The following MAGI2 variants were observed in gnomAD, a reference collection of about 807,000 sequenced individuals.
MAGI2 encodes membrane associated guanylate kinase, WW and PDZ domain containing 2.
A neutral mutation model predicts 133.3 loss-of-function variants in MAGI2; 35 were observed. The observed-to-expected ratio is 0.26, with a 90% CI of 0.20 to 0.35. The LOEUF is 0.35. Among genes scored for constraint, MAGI2 ranks in the 10% least tolerant of loss-of-function variants. The pLI, the probability that MAGI2 is intolerant of heterozygous loss-of-function variation, is 1.00. For synonymous variants in MAGI2, 729 were observed against 710.6 expected (o/e 1.03, Z -0.41); for missense variants, 1,636 against 1,863.4 (o/e 0.88, Z 2.25).
At chr7:79,259,554 G>A (rs1030213213) in intron 1 of MAGI2, among the ~76,000 whole-genome samples, 1 of 152,094 alleles carries the variant, frequency 6.6e-6, no homozygotes, top group African/African-American at 2.4e-5. Flanking sequence ...CCCACTTCAT[G>A]TTTTATGTAC....
chr7:78,439,782 T>A (rs1787414561), intron 6 of MAGI2, among the ~76,000 whole-genome samples: 1 of 152,150 alleles, frequency 6.6e-6, no homozygotes. Context: ...GTGAGCAGGA[T>A]AAATGTATCA....
chr7:79,161,536 A>T (rs1363386276), intron 1 of MAGI2, among the ~76,000 whole-genome samples: 2 of 152,062 alleles, frequency 1.3e-5, no homozygotes, highest in South Asian at 2.1e-4. Context: ...ACAAAAAAAA[A>T]TATTATGTAA....
At chr7:79,085,646 G>T (rs1441404835) in intron 1 of MAGI2, among the ~76,000 whole-genome samples, 1 of 151,866 alleles carries the variant, frequency 6.6e-6, no homozygotes, top group African/African-American at 2.4e-5. Flanking sequence ...GTTTGTTCTT[G>T]TTTGGTGTTG....
intron 1 of MAGI2, among the ~76,000 whole-genome samples, chr7:79,230,206 G>C (rs1312038753): frequency 4.0e-5 from 6 of 149,450 alleles, no homozygotes; most frequent in Non-Finnish European, 9.0e-5. Flanking sequence ...GGACATTTGG[G>C]TTGGTTCCAA....
intron 1 of MAGI2, among the ~76,000 whole-genome samples, chr7:79,407,119 G>A (rs772709583): frequency 9.2e-5 from 14 of 152,136 alleles, no homozygotes; most frequent in African/African-American, 1.7e-4. Flanking sequence ...TTTTCTATGC[G>A]TTTTGTAAAA....
chr7:78,738,263 T>C (rs1822062724), intron 2 of MAGI2, among the ~76,000 whole-genome samples: 2 of 152,284 alleles, frequency 1.3e-5, no homozygotes, highest in South Asian at 4.1e-4. Context: ...GAAAAGTGAT[T>C]CATGCTTTAA....
intron 6 of MAGI2, among the ~76,000 whole-genome samples, chr7:78,431,254 C>T (rs1271380255): frequency 1.3e-5 from 2 of 152,092 alleles, no homozygotes; most frequent in Non-Finnish European, 2.9e-5. Context: ...ATTTGAGACA[C>T]TTGCAGATAG....
At chr7:79,207,571 A>G (rs1829160603) in intron 1 of MAGI2, among the ~76,000 whole-genome samples, 1 of 152,002 alleles carries the variant, frequency 6.6e-6, no homozygotes, top group African/African-American at 2.4e-5. Flanking sequence ...ACACAAATAA[A>G]TAAAATGATA....
intron 2 of MAGI2, among the ~76,000 whole-genome samples, chr7:78,636,723 G>A (rs1042754638): frequency 3.9e-5 from 6 of 152,098 alleles, no homozygotes; most frequent in Non-Finnish European, 5.9e-5. Flanking sequence ...GCGTGAACCC[G>A]GGAGGCGGGG....
rs1796566108 is a variant in MAGI2 at position 78,398,519 on chromosome 7, C to T, written c.1046-29306G>A. The stretch of plus-strand genomic sequence containing the variant: ...AGACAGGTTTCTTCCTGACTATAGA[C>T]CCCCGACCTCCCTTTTCTTAGACCA... On this transcript the variant is annotated intron_variant, in intron 6 of 21. Coordinates refer to ENST00000354212, the MANE Select transcript of MAGI2 (RefSeq NM_012301.4). 3.3e-5 allele frequency among the ~76,000 whole-genome samples: 5 copies of T among 152,266 alleles called. No individual in the cohort carries two copies. In the South Asian group the frequency reaches 1.0e-3, roughly 32 times the overall value.
intron 8 of MAGI2, 70 bp downstream of exon 8, chr7:78,345,852 T>G (rs1790850904): frequency 9.4e-6 from 15 of 1,591,060 alleles, no homozygotes; most frequent in Non-Finnish European, 1.3e-5. Context: ...GCTACAGACA[T>G]ATTTGGAAGA....
chr7:78,298,213 G>A (rs1043244864), intron 9 of MAGI2, among the ~76,000 whole-genome samples: 2 of 152,164 alleles, frequency 1.3e-5, no homozygotes, highest in Middle Eastern at 3.4e-3. Context: ...AATTGTCAAG[G>A]TCATCAAAAA....
chr7:78,445,917 A>G (rs1477301815), intron 6 of MAGI2, among the ~76,000 whole-genome samples: 1 of 151,006 alleles, frequency 6.6e-6, no homozygotes, highest in Non-Finnish European at 1.5e-5. Context: ...TTAAGCCTAT[A>G]TTGTCTTTTT....
intron 2 of MAGI2, among the ~76,000 whole-genome samples, chr7:78,717,397 A>C (rs961557839): frequency 3.3e-5 from 5 of 152,118 alleles, no homozygotes; most frequent in Non-Finnish European, 5.9e-5. Flanking sequence ...ATATCAATGA[A>C]CTGTGTACAC....
chr7:78,079,653 T>C (rs1227032638), intron 20 of MAGI2, among the ~76,000 whole-genome samples: 1 of 152,222 alleles, frequency 6.6e-6, no homozygotes, highest in Non-Finnish European at 1.5e-5. Context: ...ATGATGAGTT[T>C]TCTATCACAG....
chr7:78,330,565 C>T (rs1465941303), intron 9 of MAGI2, among the ~76,000 whole-genome samples: 1 of 30,756 alleles, frequency 3.3e-5, no homozygotes, highest in East Asian at 5.0e-4. Context: ...CTGCAGTGAG[C>T]CGAGATTGCG....
At chr7:78,574,407 G>A (rs1323203235) in intron 3 of MAGI2, among the ~76,000 whole-genome samples, 1 of 152,246 alleles carries the variant, frequency 6.6e-6, no homozygotes, top group South Asian at 2.1e-4. Context: ...TTTCTGCATG[G>A]ATTTATATAT....
At chr7:78,787,232 C>G (rs1217113259) in intron 2 of MAGI2, among the ~76,000 whole-genome samples, 3 of 152,174 alleles carry the variant, frequency 2.0e-5, no homozygotes, top group Non-Finnish European at 4.4e-5. Flanking sequence ...AGGCGTGAGC[C>G]ATTGCGCCTG....
chr7:78,905,669 A>T lies in MAGI2; in HGVS notation c.418+101421T>A, dbSNP rs1423287114. Among the ~76,000 whole-genome samples the T allele has an allele frequency of 9.2e-5, 14 of 152,196 alleles. 1 individual carries two copies. ...CAGCTGGAATGCTGTCTTTGCTGAT[A>T]GATGGTCTTCTGGTTGTAACAAGTG... On this transcript the variant is annotated intron_variant, in intron 2 of 21. Coordinates refer to ENST00000354212, the MANE Select transcript of MAGI2 (RefSeq NM_012301.4).
Sources: gnomAD v4.1 joint callset for allele counts (sites outside exome capture counted in the v4.1 genomes callset) on GRCh38, gnomAD v4.1.1 for gene constraint, MANE v1.5 for transcripts, NCBI Gene and HGNC (gene_info 2026-07-23, HGNC 2026-07-21) for gene names.